PCDH8: variants seen among roughly 807,000 people sequenced by gnomAD.
The protein encoded by PCDH8 is protocadherin 8.
In PCDH8, 36 loss-of-function variants were observed where a neutral mutation model predicts 58.2. The ratio of observed to expected loss-of-function variants is 0.62; its 90% CI spans 0.47 to 0.82. The LOEUF (loss-of-function observed/expected upper bound fraction) is 0.82. Among genes scored for constraint, PCDH8 ranks in the 40% least tolerant of loss-of-function variants. The pLI is 0.00. For missense variants in PCDH8, 1,493 were observed against 1,567.8 expected, an observed-to-expected ratio of 0.95 and a Z score of 0.81; for synonymous variants, 775 against 728.9, an observed-to-expected ratio of 1.06 and a Z score of -1.02.
At position 52,847,474 on chromosome 13, in the gene PCDH8, C is replaced by T; in HGVS notation, c.963G>A (p.Glu321=). ...PVDYERQDTY[E]LDVRAQDRGP... ...CGCGGTCCTGCGCCCGCACGTCCAG[C>T]TCGTAGGTGTCCTGACGCTCGTAGT... The change falls in exon 1 of 3, where the codon GAG becomes GAA. Residue 321 remains glutamate, a synonymous_variant. Transcript: ENST00000377942. 2.5e-6 allele frequency: 4 copies of T among 1,592,390 alleles called. No homozygotes were observed. The highest frequency in any genetic ancestry group is 3.4e-6 in the Non-Finnish European group (4 of 1,175,572).
intron 2 of PCDH8, 71 bp from the exon 3 acceptor site, chr13:52,845,004 T>G (rs2236363): frequency 0.21 from 305,494 of 1,469,616 alleles, 34,782 homozygotes; most frequent in East Asian, 0.52. Flanking sequence ...GCTTCCATCT[T>G]CAGCATGTCA....
At position 52,847,018 on chromosome 13, in the gene PCDH8, G is replaced by A. The variant is rs1965751294; in HGVS notation, c.1419C>T (p.Gly473=). 3 of 1,564,604 alleles carry A rather than the reference G, an allele frequency of 1.9e-6. No homozygotes were observed. Among genetic ancestry groups the A allele is most frequent in the Non-Finnish European group, 2.6e-6 (3 of 1,158,396 alleles). ...GCCGCACTGTGCGCAGCGGGGGCGC[G>A]CCGCGATCCTCGGCCACCAGCGTCA... is the stretch of plus-strand genomic sequence containing the variant. ...YNLTLVAEDR[G]APPLRTVRPY... is the part of the protein sequence containing the mutation. Residue 473 remains glycine, a synonymous_variant, in exon 1 of 3, where the codon GGC becomes GGT. Coordinates refer to ENST00000377942, the MANE Select transcript of PCDH8 (RefSeq NM_002590.4).
rs1965702679 is a variant in PCDH8 at position 52,844,749 on chromosome 13, C to T, written c.3024G>A (p.Leu1008=). The change falls in exon 3 of 3, where the codon CTG becomes CTA. Residue 1008 remains leucine (L), a synonymous_variant. Transcript: ENST00000377942. ...LRRDNYYQAQ[L]PKTVGLQSVY... is the part of the protein sequence containing the mutation. ...CGCTCTGCAGCCCCACTGTCTTGGG[C>T]AGCTGGGCCTGGTAGTAATTGTCCC... 2.5e-6 allele frequency: 4 copies of T among 1,613,398 alleles called. No individual in the cohort carries two copies. Among genetic ancestry groups the T allele is most frequent in the South Asian group, 2.2e-5 (2 of 90,950 alleles).
chr13:52,844,387 A>T lies in PCDH8; in HGVS notation c.*173T>A. The T allele has an allele frequency of 2.1e-6, 1 of 486,290 alleles. No individual in the cohort carries two copies. Among genetic ancestry groups the T allele is most frequent in the Non-Finnish European group, 3.5e-6 (1 of 281,776 alleles). The allele number at this position is 486,290 out of a possible 1,614,324, so 30.1% of individuals were successfully genotyped here. On this transcript the variant is annotated 3_prime_UTR_variant, in exon 3 of 3. Transcript: ENST00000377942. ...GCACACATTTCATAAAAATTACATT[A>T]ACTACATTTTTGTTTGCAAATACCA...
Position 52,847,776 on chromosome 13 carries a change from C to A in PCDH8, c.661G>T (p.Gly221Cys). 1 of 1,458,936 alleles carries A rather than the reference C, an allele frequency of 6.9e-7. No homozygotes were observed. Among genetic ancestry groups the A allele is most frequent in the Non-Finnish European group, 9.0e-7 (1 of 1,115,238 alleles). The allele number at this position is 1,458,936 out of a possible 1,614,324, so 90.4% of individuals were successfully genotyped here. Reference protein sequence around the residue: ...YSLELVAQDGGRPPRSATAAL... With the variant: ...YSLELVAQDGCRPPRSATAAL... ...GCCGTGGCGGAGCGCGGCGGGCGGC[C>A]GCCGTCCTGGGCCACCAGCTCCAGG... The change falls in exon 1 of 3, where the codon GGC becomes TGC. Residue 221 changes from glycine to cysteine, a missense_variant. Transcript: ENST00000377942.
Position 52,848,001 on chromosome 13 carries a change from C to T in PCDH8, c.436G>A (p.Glu146Lys). 1 of 1,610,592 alleles carries T rather than the reference C, an allele frequency of 6.2e-7. No individual in the cohort carries two copies. The change falls in exon 1 of 3, where the codon GAG becomes AAG. Residue 146 changes from glutamate to lysine, a missense_variant. By Grantham distance (56) the Glu-to-Lys change is moderately conservative (BLOSUM62 1). Transcript: ENST00000377942. ...ATGCGCGTGCCCACTGCCGCACCCTCGGACACCTCTACCGGGATCTGGGCC... is the reference window on the plus strand; with the variant it reads ...ATGCGCGTGCCCACTGCCGCACCCTTGGACACCTCTACCGGGATCTGGGCC... The part of the protein sequence containing the change: ...PRAQIPVEVS[E>K]GAAVGTRIPL...
chr13:52,845,293 C>A, intron 2 of PCDH8, 132 bp downstream of exon 2: 3 of 840,590 alleles, frequency 3.6e-6, no homozygotes, highest in Non-Finnish European at 1.9e-6. Context: ...AGGCCCGTAT[C>A]CGCAGCTGTA....
Position 52,843,205 on chromosome 13 carries a change from T to C in PCDH8, c.*1355A>G, listed in dbSNP as rs1965686423. On this transcript the variant is annotated 3_prime_UTR_variant, in exon 3 of 3. Coordinates refer to ENST00000377942, the MANE Select transcript of PCDH8 (RefSeq NM_002590.4). ...AGTATAAGACATAGGCATAGTACTC[T>C]TGAGTGTCTTTTTTTAAGACTTTCC... 1 of 152,226 alleles carries C rather than the reference T, an allele frequency of 6.6e-6. No individual in the cohort carries two copies. 9.4% of individuals were successfully genotyped at this position (152,226 alleles called of 1,614,324 possible). A position where few individuals can be genotyped will look rare whatever the true frequency, so the allele number is the denominator to read the frequency against.
At position 52,848,427 on chromosome 13, in the gene PCDH8, C is replaced by G. The variant is rs1239967782; in HGVS notation, c.10G>C (p.Val4Leu). 2 of 1,600,620 alleles carry G rather than the reference C, an allele frequency of 1.2e-6. No individual in the cohort carries two copies. Among genetic ancestry groups the G allele is most frequent in the Non-Finnish European group, 1.7e-6 (2 of 1,175,598 alleles). ...AGGCAGGGGCTGCCCCAACGCCTCACAGGACTCATGCCTCCAGCCTCAAGT... is the reference window on the plus strand; with the variant it reads ...AGGCAGGGGCTGCCCCAACGCCTCAGAGGACTCATGCCTCCAGCCTCAAGT... MSPVRRWGSPCLFP... is the reference protein window; with the variant it reads MSPLRRWGSPCLFP... Residue 4 changes from valine (V) to leucine (L), a missense_variant, in exon 1 of 3, where the codon GTG (valine) becomes CTG (leucine). By Grantham distance (32) the Val-to-Leu change is conservative. Around this residue, in one of 3 missense-constraint regions of PCDH8, gnomAD observed 1,307 missense variants for 1,362.7 expected, o/e 0.96. Transcript: ENST00000377942.
In PCDH8 at chr13:52,847,343, G is replaced by C. The variant is rs759546583; in HGVS notation, c.1094C>G (p.Pro365Arg). 10 of 1,459,822 alleles carry C rather than the reference G, an allele frequency of 6.9e-6. No individual in the cohort carries two copies. The South Asian group carries it at 1.4e-4, about 21-fold the overall frequency. 90.4% of individuals were successfully genotyped at this position (1,459,822 alleles called of 1,614,324 possible). A position where few individuals can be genotyped will look rare whatever the true frequency, so the allele number is the denominator to read the frequency against. Residue 365 changes from proline (P) to arginine (R), a missense_variant, in exon 1 of 3, where the codon CCG becomes CGG. By Grantham distance (103) the Pro-to-Arg change is moderately radical. This residue lies in a region of PCDH8 where 1,307 missense variants were observed against 1,362.7 expected (regional missense o/e 0.96). Transcript: ENST00000377942. ...GGCAGCGGCGAAGGGTGAGGTTGCC[G>C]GCGCGCCTGGGGCGGCCAGCGGGGT... ...AITPLAAPGA[P>R]ATSPFAAAAA...
At chr13:52,845,328 G>C in intron 2 of PCDH8, 97 bp downstream of exon 2, 1 of 1,134,968 alleles carries the variant, frequency 8.8e-7, no homozygotes, top group Non-Finnish European at 1.3e-6. Context: ...TGGGGAAGAG[G>C]GAAGGGGGCT....
In PCDH8 at chr13:52,844,449, C is replaced by T; in HGVS notation, c.*111G>A. On this transcript the variant is annotated 3_prime_UTR_variant, in exon 3 of 3. Coordinates refer to ENST00000377942, the MANE Select transcript of PCDH8 (RefSeq NM_002590.4). ...TGTGATTGGAAATAGCTTCCAACAA[C>T]TTCATTGTAAGGCACATCTTGCATA... The T allele has an allele frequency of 1.1e-6, 1 of 907,116 alleles. No homozygotes were observed. The highest frequency in any genetic ancestry group is 1.6e-6 in the Non-Finnish European group (1 of 621,046). The allele number at this position is 907,116 out of a possible 1,614,324, so 56.2% of individuals were successfully genotyped here.
rs1170469539 is a variant in PCDH8, at chr13:52,843,123, G to C, written c.*1437C>G. The C allele has an allele frequency of 6.6e-6, 1 of 152,222 alleles. No individual in the cohort carries two copies. The highest frequency in any genetic ancestry group is 2.4e-5 in the African/African-American group (1 of 41,462). 9.4% of individuals were successfully genotyped at this position (152,222 alleles called of 1,614,324 possible). On this transcript the variant is annotated 3_prime_UTR_variant, in exon 3 of 3. Coordinates refer to ENST00000377942, the MANE Select transcript of PCDH8 (RefSeq NM_002590.4). Reference sequence around the variant, plus strand: ...GCTCTGCTCACAGAAGACTTGCTCAGTAAATGTTAGGTCTCATTATGCTTA... The same window carrying C: ...GCTCTGCTCACAGAAGACTTGCTCACTAAATGTTAGGTCTCATTATGCTTA...
Position 52,846,927 on chromosome 13 carries a change from C to T in PCDH8, c.1510G>A (p.Val504Met), listed in dbSNP as rs1215188617. ...APLFTRPVYE[V>M]SVRENNPPGA... ...GGCGGGTTGTTCTCGCGCACCGACA[C>T]CTCATAGACCGGCCGCGTGAAGAGC... The change falls in exon 1 of 3, where the codon GTG becomes ATG. Residue 504 changes from valine to methionine, a missense_variant. Physicochemically the swap from Val to Met is conservative, Grantham distance 21. Coordinates refer to ENST00000377942, the MANE Select transcript of PCDH8 (RefSeq NM_002590.4). 8 of 1,593,392 alleles carry T rather than the reference C, an allele frequency of 5.0e-6. No individual in the cohort carries two copies. In the Admixed American group the frequency reaches 1.0e-4, roughly 21 times the overall value.
At position 52,845,819 on chromosome 13, in the gene PCDH8, C is replaced by CT; in HGVS notation, c.2617_2618insA (p.Gly873GlufsTer47). On this transcript the variant is annotated frameshift_variant, in exon 1 of 3. Coordinates refer to ENST00000377942, the MANE Select transcript of PCDH8 (RefSeq NM_002590.4). LOFTEE classifies it high-confidence loss of function. Reference sequence around the variant, plus strand: ...GGAAGGCCTCACCTCGGCGTGCGCGCCGCGGAGCCGCTGCTGCCCCTCGAA... The same window carrying CT: ...GGAAGGCCTCACCTCGGCGTGCGCGCTCGCGGAGCCGCTGCTGCCCCTCGAA... 6.6e-7 allele frequency: 1 copy of CT among 1,507,340 alleles called. No individual in the cohort carries two copies. The highest frequency in any genetic ancestry group is 8.8e-7 in the Non-Finnish European group (1 of 1,136,088). The allele number at this position is 1,507,340 out of a possible 1,614,324, so 93.4% of individuals were successfully genotyped here.
At position 52,847,630 on chromosome 13, in the gene PCDH8, G is replaced by A. The variant is rs749202650; in HGVS notation, c.807C>T (p.Asp269=). The A allele has an allele frequency of 1.4e-5, 22 of 1,575,522 alleles. No individual in the cohort carries two copies. The highest frequency in any genetic ancestry group is 1.9e-5 in the Non-Finnish European group (22 of 1,169,742). ...TAGGTCCCTCGTCGGGGTCGGCTGC[G>A]TCCAGGTCGAGAAGCAGGGAGCCCA... ...APVGSLLLDL[D]AADPDEGPNG... The change falls in exon 1 of 3, where the codon GAC becomes GAT. Residue 269 remains aspartate (D), a synonymous_variant. Coordinates refer to ENST00000377942, the MANE Select transcript of PCDH8 (RefSeq NM_002590.4).
In PCDH8 at chr13:52,846,304, T is replaced by A; in HGVS notation, c.2133A>T (p.Thr711=). ...TTTATVSFVV[T]AGGGRGPAAP... ...CAGCCGGCCCACGCCCGCCCCCTGC[T>A]GTTACCACGAAGCTGACAGTTGCGG... Residue 711 remains threonine, a synonymous_variant, in exon 1 of 3, where the codon ACA becomes ACT. Coordinates refer to ENST00000377942, the MANE Select transcript of PCDH8 (RefSeq NM_002590.4). 3 of 1,573,668 alleles carry A rather than the reference T, an allele frequency of 1.9e-6. No homozygotes were observed. Among genetic ancestry groups the A allele is most frequent in the Non-Finnish European group, 2.6e-6 (3 of 1,163,250 alleles).
Position 52,848,306 on chromosome 13 carries a change from G to T in PCDH8, c.131C>A (p.Thr44Lys), listed in dbSNP as rs200821840. 3 of 1,613,376 alleles carry T rather than the reference G, an allele frequency of 1.9e-6. No homozygotes were observed. The highest frequency in any genetic ancestry group is 1.7e-5 in the Admixed American group (1 of 60,014). ...GTCCTCGGCCAGGGTCCCGATGACC[G>T]TGCCGGGGGCATCCTCCTCGAAGGT... ...YSTFEEDAPGTVIGTLAEDLH... is the reference protein window; with the variant it reads ...YSTFEEDAPGKVIGTLAEDLH... The change falls in exon 1 of 3, where the codon ACG (threonine) becomes AAG (lysine). Residue 44 changes from threonine (T) to lysine (K), a missense_variant. Transcript: ENST00000377942.
Position 52,846,413 on chromosome 13 carries a change from C to T in PCDH8, c.2024G>A (p.Gly675Asp), listed in dbSNP as rs748599580. Residue 675 changes from glycine to aspartate, a missense_variant, in exon 1 of 3, where the codon GGC (glycine) becomes GAC (aspartate). Physicochemically the swap from Gly to Asp is moderately conservative, Grantham distance 94 (BLOSUM62 -1). Transcript: ENST00000377942. Reference sequence around the variant, plus strand: ...ACCGGGTGGCTCCTGCGAGAGGTCGCCGGTGAGCAGTATCTCCCCCGTGCG... The same window carrying T: ...ACCGGGTGGCTCCTGCGAGAGGTCGTCGGTGAGCAGTATCTCCCCCGTGCG... ...GRRTGEILLT[G>D]DLSQEPPGRV... 58 of 1,597,946 alleles carry T rather than the reference C, an allele frequency of 3.6e-5. No individual in the cohort carries two copies. The highest frequency in any genetic ancestry group is 4.9e-5 in the Non-Finnish European group (58 of 1,177,118).
Sources: allele counts gnomAD v4.1 joint callset, GRCh38; gene constraint gnomAD v4.1.1; regional missense constraint gnomAD v4.1.1; transcripts MANE v1.5; gene names NCBI Gene and HGNC (gene_info 2026-07-23, HGNC 2026-07-21).